TNPO1: variants seen among roughly 807,000 people sequenced by gnomAD.
TNPO1 encodes the protein transportin 1, also known as transportin-1.
Under a neutral mutation model 119.5 loss-of-function variants are expected in TNPO1, and 8 were observed. The ratio of observed to expected loss-of-function variants is 0.07; its 90% CI spans 0.04 to 0.12. TNPO1 has a LOEUF of 0.12. Ranked by LOEUF, TNPO1 falls within the 10% of genes least tolerant of loss-of-function variation. The probability of loss-of-function intolerance (pLI) is 1.00; values close to 1 mark genes in which losing one functional copy is unlikely to be tolerated. For synonymous variants in TNPO1, 362 were observed against 363.0 expected, an observed-to-expected ratio of 1.00 and a Z score of 0.03; for missense variants, 576 against 1,089.8, an observed-to-expected ratio of 0.53 and a Z score of 6.64.
intron 1 of TNPO1, among the ~76,000 whole-genome samples, chr5:72,837,894 G>A (rs1284408211): frequency 6.6e-6 from 1 of 152,184 alleles, no homozygotes; most frequent in Admixed American, 6.5e-5. Flanking sequence ...GCCAATGAGT[G>A]TATGACTCCA....
At chr5:72,875,973 C>T (rs1393442169) in intron 8 of TNPO1, among the ~76,000 whole-genome samples, 1 of 152,002 alleles carries the variant, frequency 6.6e-6, no homozygotes, top group African/African-American at 2.4e-5. Context: ...TCCAAAGTTC[C>T]ATATGGTGGA....
chr5:72,904,311 A>G (rs538348217), intron 23 of TNPO1, among the ~76,000 whole-genome samples: 1 of 152,350 alleles, frequency 6.6e-6, no homozygotes, highest in South Asian at 2.1e-4. Flanking sequence ...AATACGACAT[A>G]AAAATTGTAT....
chr5:72,902,624 G>GT (rs1657482086), intron 22 of TNPO1, among the ~76,000 whole-genome samples: 1 of 151,548 alleles, frequency 6.6e-6, no homozygotes, highest in Non-Finnish European at 1.5e-5. Context: ...AGATTTTATT[G>GT]TTTCTTTGTT....
chr5:72,905,464 G>T lies in TNPO1; in HGVS notation c.*35+19G>T. On this transcript the variant is annotated intron_variant, in intron 24 of 24. Coordinates refer to ENST00000337273, the MANE Select transcript of TNPO1 (RefSeq NM_002270.4). ...ATTAGGGGTAAGTTATAAGAAGTTT[G>T]GAAATTTTCAGGATGAAGAAAATTT... The T allele has an allele frequency of 1.5e-6, 2 of 1,336,100 alleles. No individual in the cohort carries two copies. The highest frequency in any genetic ancestry group is 1.0e-6 in the Non-Finnish European group (1 of 961,992). The allele number at this position is 1,336,100 out of a possible 1,614,324, so 82.8% of individuals were successfully genotyped here. A position where few individuals can be genotyped will look rare whatever the true frequency, so the allele number is the denominator to read the frequency against.
intron 1 of TNPO1, among the ~76,000 whole-genome samples, chr5:72,822,436 A>G (rs1024919265): frequency 1.3e-5 from 2 of 152,130 alleles, no homozygotes; most frequent in African/African-American, 4.8e-5. Context: ...TAAAGTAAAA[A>G]TATCTTTGAC....
At chr5:72,896,774 C>G (rs776700560) in intron 19 of TNPO1, among the ~76,000 whole-genome samples, 4 of 152,102 alleles carry the variant, frequency 2.6e-5, no homozygotes, top group Non-Finnish European at 4.4e-5. Context: ...GAGGCTGAGT[C>G]AGGAGAATCA....
chr5:72,855,852 T>G lies in TNPO1; in HGVS notation c.284T>G (p.Val95Gly). Reference sequence around the variant, plus strand: ...CACTTTCAGAACTTCCCAAATGGTGTAACAGACTTTATTAAAAGTGAATGT... The same window carrying G: ...CACTTTCAGAACTTCCCAAATGGTGGAACAGACTTTATTAAAAGTGAATGT... ...KAHFQNFPNG[V>G]TDFIKSECLN... The change falls in exon 4 of 25, where the codon GTA (valine) becomes GGA (glycine). Residue 95 changes from valine to glycine, a missense_variant. Val to Gly is a moderately radical substitution (Grantham distance 109). This residue lies in a region of TNPO1 where 310 missense variants were observed against 583.0 expected (regional missense o/e 0.53). Transcript: ENST00000337273. 6.2e-7 allele frequency: 1 copy of G among 1,613,128 alleles called. No homozygotes were observed. The highest frequency in any genetic ancestry group is 8.5e-7 in the Non-Finnish European group (1 of 1,179,662).
rs148083703 is a variant in TNPO1, at chr5:72,899,380, G to A, written c.2339-626G>A. 2.0e-3 allele frequency among the ~76,000 whole-genome samples: 301 copies of A among 152,254 alleles called. 2 individuals are homozygous for A. Among genetic ancestry groups the A allele is most frequent in the African/African-American group, 7.0e-3 (290 of 41,572 alleles). On this transcript the variant is annotated intron_variant, in intron 20 of 24. Coordinates refer to ENST00000337273, the MANE Select transcript of TNPO1 (RefSeq NM_002270.4). ...AATCCATTCATTCAGTGAGTACCAT[G>A]AGACTTAAAATCTGACAGTTGATTT...
At chr5:72,848,660 C>T (rs184475348) in intron 2 of TNPO1, among the ~76,000 whole-genome samples, 162 bp downstream of exon 2, 29 of 149,240 alleles carry the variant, frequency 1.9e-4, no homozygotes, top group Admixed American at 4.0e-4. Flanking sequence ...CGCCGCTGCC[C>T]CTGCCGGGCG....
intron 15 of TNPO1, among the ~76,000 whole-genome samples, chr5:72,892,723 G>T (rs1254907632): frequency 6.6e-6 from 1 of 152,060 alleles, no homozygotes; most frequent in Non-Finnish European, 1.5e-5. Context: ...TTTGATTCAA[G>T]ATTGGTTGAA....
chr5:72,840,017 G>T (rs1309846671), intron 1 of TNPO1, among the ~76,000 whole-genome samples: 1 of 152,184 alleles, frequency 6.6e-6, no homozygotes, highest in Non-Finnish European at 1.5e-5. Flanking sequence ...GAAAAGCAAG[G>T]TGCAGTTATC....
intron 1 of TNPO1, among the ~76,000 whole-genome samples, chr5:72,835,019 G>A (rs1161740968): frequency 6.6e-6 from 1 of 152,118 alleles, no homozygotes; most frequent in East Asian, 1.9e-4. Flanking sequence ...TGCTATACAG[G>A]TTTGTGGCCT....
intron 16 of TNPO1, 56 bp from the exon 17 acceptor site, chr5:72,893,321 C>G (rs1459325484): frequency 1.2e-6 from 2 of 1,604,786 alleles, no homozygotes; most frequent in Non-Finnish European, 1.7e-6. Context: ...TGTATACAGA[C>G]TTTTTAAGTA....
intron 2 of TNPO1, 40 bp downstream of exon 2, chr5:72,848,538 C>A (rs774305299): frequency 1.5e-6 from 2 of 1,376,916 alleles, no homozygotes; most frequent in Non-Finnish European, 2.0e-6. Context: ...GCGCAGCTCG[C>A]CCCGCGCTGC....
chr5:72,861,637 CAA>C (rs1224466680), intron 4 of TNPO1, among the ~76,000 whole-genome samples, 169 bp from the exon 5 acceptor site: 1 of 152,180 alleles, frequency 6.6e-6, no homozygotes, highest in African/African-American at 2.4e-5. Flanking sequence ...TTCCTGGGCT[CAA>C]GAGATCTGCC....
In TNPO1 at chr5:72,905,427, T is replaced by G; in HGVS notation, c.*17T>G. 2 of 1,551,262 alleles carry G rather than the reference T, an allele frequency of 1.3e-6. No homozygotes were observed. Among genetic ancestry groups the G allele is most frequent in the Non-Finnish European group, 1.8e-6 (2 of 1,142,276 alleles). ...GGTGTTTAATCTAATACACTTAAGC[T>G]GCAGTCCCAAAATTAGGGGTAAGTT... On this transcript the variant is annotated 3_prime_UTR_variant, in exon 24 of 25. Transcript: ENST00000337273.
At chr5:72,900,832 C>A in intron 21 of TNPO1, 142 bp from the exon 22 acceptor site, 1 of 466,180 alleles carries the variant, frequency 2.1e-6, no homozygotes, top group Non-Finnish European at 3.7e-6. Context: ...TATGAGTAAA[C>A]GAAACTAAAG....
intron 11 of TNPO1, among the ~76,000 whole-genome samples, chr5:72,884,379 T>G (rs1390767246): frequency 6.6e-6 from 1 of 152,224 alleles, no homozygotes; most frequent in African/African-American, 2.4e-5. Flanking sequence ...TTTAATACTG[T>G]AAGAACATTG....
intron 11 of TNPO1, 63 bp downstream of exon 11, chr5:72,883,295 C>A: frequency 3.9e-6 from 3 of 771,858 alleles, no homozygotes; most frequent in South Asian, 1.5e-5. Context: ...GGGTATAATT[C>A]ATCTACTGTA....
Sources: gnomAD v4.1 joint callset for allele counts (sites outside exome capture counted in the v4.1 genomes callset) on GRCh38, gnomAD v4.1.1 for gene constraint, gnomAD v4.1.1 regional missense constraint, MANE v1.5 for transcripts, NCBI Gene and HGNC (gene_info 2026-07-23, HGNC 2026-07-21) for gene names.